The following VRK2 variants were observed in gnomAD, a reference collection of about 807,000 sequenced individuals.
VRK2 encodes the protein serine/threonine-protein kinase VRK2.
Under a neutral mutation model 57.6 loss-of-function variants are expected in VRK2, and 60 were observed. The ratio of observed to expected loss-of-function variants is 1.04; its 90% CI spans 0.85 to 1.29. VRK2 has a LOEUF of 1.29. Among genes scored for constraint, VRK2 ranks in the 50% most tolerant of loss-of-function variants. The pLI is 0.00. For synonymous variants in VRK2, 231 were observed against 199.2 expected (o/e 1.16, Z -1.35); for missense variants, 705 against 588.1 (o/e 1.20, Z -2.06).
At chr2:58,049,978 A>G (rs1414446920) in intron 2 of VRK2, among the ~76,000 whole-genome samples, 2 of 152,218 alleles carry the variant, frequency 1.3e-5, no homozygotes, top group African/African-American at 4.8e-5. Context: ...TCAGCACAAA[A>G]AATTGTATGA....
intron 1 of VRK2, among the ~76,000 whole-genome samples, chr2:57,914,964 TG>T (rs1670100929): frequency 6.6e-6 from 1 of 152,280 alleles, no homozygotes; most frequent in East Asian, 1.9e-4. Flanking sequence ...GTAGTTGTGA[TG>T]TTTACTGTTG....
chr2:57,955,884 T>C (rs1671571850), intron 1 of VRK2, among the ~76,000 whole-genome samples: 1 of 152,204 alleles, frequency 6.6e-6, no homozygotes, highest in African/African-American at 2.4e-5. Context: ...AGATATCCTT[T>C]TGGTGAGTTT....
At position 58,135,644 on chromosome 2, in the gene VRK2, C is replaced by T. The variant is rs141079750; in HGVS notation, c.856+445C>T. ...CAGTAAACACTGAATGCTGTTTAGA[C>T]CAGAATTATGCTGACTGAACTGCCA... On this transcript the variant is annotated intron_variant, in intron 10 of 12. Transcript: ENST00000340157. Among the ~76,000 whole-genome samples the T allele has an allele frequency of 2.0e-5, 3 of 151,884 alleles. No individual in the cohort carries two copies. The South Asian group carries it at 6.2e-4, about 32-fold the overall frequency.
chr2:58,125,223 CTG>C, intron 8 of VRK2, among the ~76,000 whole-genome samples: 1 of 152,128 alleles, frequency 6.6e-6, no homozygotes, highest in Non-Finnish European at 1.5e-5. Flanking sequence ...TAAGAAATCA[CTG>C]TGATTGTGGA....
At chr2:58,106,366 G>A (rs887841804) in intron 7 of VRK2, among the ~76,000 whole-genome samples, 2 of 151,988 alleles carry the variant, frequency 1.3e-5, no homozygotes, top group African/African-American at 4.8e-5. Flanking sequence ...AACAGGCTTT[G>A]ATGTTTTGCT....
chr2:58,029,505 A>C (rs571505305), intron 2 of VRK2, among the ~76,000 whole-genome samples: 1 of 152,324 alleles, frequency 6.6e-6, no homozygotes, highest in East Asian at 1.9e-4. Flanking sequence ...AGAAAAAGTT[A>C]AAAGTACTCC....
intron 1 of VRK2, among the ~76,000 whole-genome samples, chr2:57,923,734 G>A (rs921420505): frequency 6.6e-6 from 1 of 151,664 alleles, no homozygotes; most frequent in Non-Finnish European, 1.5e-5. Flanking sequence ...TTAGTTAGTT[G>A]TGATCCCGTT....
intron 10 of VRK2, among the ~76,000 whole-genome samples, chr2:58,137,182 C>CATATATATGATACATGTATCAT: frequency 2.8e-5 from 1 of 35,108 alleles, no homozygotes; most frequent in African/African-American, 1.6e-4. Context: ...TCATATATAT[C>CATATATATGATACATGTATCAT]ATATATGATA....
chr2:58,041,319 A>T (rs1329219204), intron 3 of VRK2, among the ~76,000 whole-genome samples: 1 of 152,150 alleles, frequency 6.6e-6, no homozygotes, highest in African/African-American at 2.4e-5. Flanking sequence ...ATGAAAAATA[A>T]AATTCTAAGC....
At chr2:57,995,896 C>T (rs1252600148) in intron 1 of VRK2, among the ~76,000 whole-genome samples, 2 of 152,186 alleles carry the variant, frequency 1.3e-5, no homozygotes, top group East Asian at 3.8e-4. Flanking sequence ...AATGTCAACA[C>T]AAAGAAATAA....
intron 1 of VRK2, among the ~76,000 whole-genome samples, chr2:57,912,839 C>G (rs1019832560): frequency 6.6e-6 from 1 of 152,072 alleles, no homozygotes; most frequent in Non-Finnish European, 1.5e-5. Context: ...TATATTAAAA[C>G]CCTTACCCCT....
intron 10 of VRK2, among the ~76,000 whole-genome samples, chr2:58,136,953 ATG>A (rs1199489502): frequency 1.5e-5 from 2 of 134,252 alleles, no homozygotes; most frequent in African/African-American, 2.9e-5. Flanking sequence ...TATATCATAT[ATG>A]TGTATATATA....
intron 7 of VRK2, among the ~76,000 whole-genome samples, chr2:58,103,113 A>T (rs1298269511): frequency 6.6e-6 from 1 of 151,486 alleles, no homozygotes; most frequent in Non-Finnish European, 1.5e-5. Context: ...TTATATCTTT[A>T]AGTGTGTACT....
chr2:58,036,526 G>C (rs955449728), intron 3 of VRK2, among the ~76,000 whole-genome samples: 1 of 151,916 alleles, frequency 6.6e-6, no homozygotes, highest in Non-Finnish European at 1.5e-5. Flanking sequence ...TATTCTATGT[G>C]CTGAGATAAC....
chr2:58,053,473 A>G (rs920511982), intron 2 of VRK2, among the ~76,000 whole-genome samples: 6 of 152,178 alleles, frequency 3.9e-5, no homozygotes, highest in African/African-American at 1.4e-4. Context: ...GTTGGCGGAT[A>G]GGTTTTTAGA....
chr2:58,139,731 G>C lies in VRK2; in HGVS notation c.922G>C (p.Ala308Pro), dbSNP rs1424657213. The change falls in exon 11 of 13, where the codon GCC becomes CCC. Residue 308 changes from alanine (A) to proline (P), a missense_variant. Transcript: ENST00000340157. The stretch of plus-strand genomic sequence containing the variant: ...ATATGATGAAAAGCCAAACTATCAA[G>C]CCCTCAAGAAAATTTTGAACCCTCA... The part of the protein sequence containing the change: ...LAYDEKPNYQ[A>P]LKKILNPHGI... 6.2e-7 allele frequency: 1 copy of C among 1,613,112 alleles called. No homozygotes were observed. Among genetic ancestry groups the C allele is most frequent in the Non-Finnish European group, 8.5e-7 (1 of 1,179,396 alleles).
chr2:57,965,627 C>T (rs1342364476), intron 1 of VRK2, among the ~76,000 whole-genome samples: 1 of 152,168 alleles, frequency 6.6e-6, no homozygotes, highest in Non-Finnish European at 1.5e-5. Context: ...ATTATTTTAT[C>T]TAGAAAGGGT....
At chr2:57,913,335 T>C (rs1195650768) in intron 1 of VRK2, among the ~76,000 whole-genome samples, 1 of 152,236 alleles carries the variant, frequency 6.6e-6, no homozygotes, top group East Asian at 1.9e-4. Flanking sequence ...GTTAAATGAC[T>C]GTCTATAAAA....
At chr2:58,098,767 A>G (rs1292106132) in intron 7 of VRK2, among the ~76,000 whole-genome samples, 2 of 152,250 alleles carry the variant, frequency 1.3e-5, no homozygotes, top group East Asian at 3.9e-4. Context: ...ATGCATGACT[A>G]TATTAAGAAA....
Sources: gnomAD v4.1 joint callset for allele counts (sites outside exome capture counted in the v4.1 genomes callset) on GRCh38, gnomAD v4.1.1 for gene constraint, MANE v1.5 for transcripts, NCBI Gene and HGNC (gene_info 2026-07-23, HGNC 2026-07-21) for gene names.